The following CLIP1 variants were observed in gnomAD, a reference collection of about 807,000 sequenced individuals.
CLIP1 encodes the protein CAP-Gly domain containing linker protein 1, also known as CAP-Gly domain-containing linker protein 1.
In CLIP1, 66 loss-of-function variants were observed where a neutral mutation model predicts 161.6. The observed-to-expected ratio is 0.41, with a 90% CI of 0.33 to 0.50. The LOEUF (loss-of-function observed/expected upper bound fraction) is 0.50, where lower values mean the gene tolerates loss of function less well. Ranked by LOEUF, CLIP1 falls within the 20% of genes least tolerant of loss-of-function variation. The pLI is 0.27. For synonymous variants in CLIP1, 598 were observed against 626.2 expected (o/e 0.96, Z 0.67); for missense variants, 1,376 against 1,702.0 (o/e 0.81, Z 3.37).
At chr12:122,326,471 G>T (rs1951716452) in intron 17 of CLIP1, among the ~76,000 whole-genome samples, 1 of 152,222 alleles carries the variant, frequency 6.6e-6, no homozygotes, top group East Asian at 1.9e-4. Flanking sequence ...CTTGCATCCA[G>T]GGGTTCGAGA....
intron 19 of CLIP1, among the ~76,000 whole-genome samples, chr12:122,310,827 GA>G (rs1951035269): frequency 6.6e-6 from 1 of 152,174 alleles, no homozygotes; most frequent in South Asian, 2.1e-4. Context: ...GCTGATGCAT[GA>G]ACACATCTAT....
intron 11 of CLIP1, among the ~76,000 whole-genome samples, chr12:122,338,002 G>A (rs1593103501): frequency 6.9e-6 from 1 of 144,350 alleles, no homozygotes; most frequent in Admixed American, 7.0e-5. Flanking sequence ...GCCACAGAGC[G>A]AGACTCTGTC....
intron 20 of CLIP1, among the ~76,000 whole-genome samples, chr12:122,301,396 C>T (rs1048040509): frequency 1.1e-4 from 17 of 152,312 alleles, no homozygotes; most frequent in Admixed American, 3.9e-4. Flanking sequence ...CTGGGTCGGG[C>T]GCGGCGGCTC....
rs757218161 is a variant in CLIP1, at chr12:122,278,118, C to T, written c.3966+36G>A. 2.2e-5 allele frequency: 34 copies of T among 1,578,694 alleles called. 1 individual carries two copies. In the South Asian group the frequency reaches 3.9e-4, roughly 18 times the overall value. On this transcript the variant is annotated intron_variant, in intron 24 of 25. Transcript: ENST00000620786. ...GAAAAGATTCAATGATTTTGAAAAA[C>T]AGCAAGAAAGTAAAGCAATAAGGCA...
chr12:122,358,199 GC>G (rs1252615731), intron 5 of CLIP1, among the ~76,000 whole-genome samples: 1 of 151,232 alleles, frequency 6.6e-6, no homozygotes, highest in Non-Finnish European at 1.5e-5. Context: ...TGGATTAAGG[GC>G]GGTGCAAGAT....
At chr12:122,363,496 A>C (rs967408941) in intron 4 of CLIP1, among the ~76,000 whole-genome samples, 3 of 133,864 alleles carry the variant, frequency 2.2e-5, no homozygotes, top group African/African-American at 5.6e-5. Flanking sequence ...GCCCTGTCTC[A>C]AAAAAAAAAA....
chr12:122,358,634 T>C (rs2136540771), intron 5 of CLIP1, among the ~76,000 whole-genome samples: 1 of 152,024 alleles, frequency 6.6e-6, no homozygotes, highest in Non-Finnish European at 1.5e-5. Flanking sequence ...GTAAATTGGG[T>C]ATATATTTCA....
chr12:122,386,417 G>A (rs1955262816), intron 1 of CLIP1, among the ~76,000 whole-genome samples: 1 of 152,194 alleles, frequency 6.6e-6, no homozygotes, highest in South Asian at 2.1e-4. Context: ...TGACTAATGG[G>A]AAAAGGTTCT....
At chr12:122,382,297 G>T (rs1955040412) in intron 1 of CLIP1, among the ~76,000 whole-genome samples, 1 of 151,882 alleles carries the variant, frequency 6.6e-6, no homozygotes, top group African/African-American at 2.4e-5. Context: ...GGAGGCAGAG[G>T]TTGTAGTGAG....
rs552111237 is a variant in CLIP1 at position 122,327,971 on chromosome 12, C to T, written c.3225G>A (p.Leu1075=). The part of the protein sequence containing the change: ...NSGLLQELEE[L]RKQADKAKAA... ...CTTTGGCTTTGTCGGCTTGCTTTCT[C>T]AGCTCCTCCAGCTCCTGCAGCAAGC... The change falls in exon 17 of 26, where the codon CTG becomes CTA. Residue 1075 remains leucine (L), a synonymous_variant. Coordinates refer to ENST00000620786, the MANE Select transcript of CLIP1 (RefSeq NM_001247997.2). The T allele has an allele frequency of 1.6e-5, 26 of 1,614,054 alleles. No individual in the cohort carries two copies. The South Asian group carries it at 2.5e-4, about 16-fold the overall frequency.
chr12:122,320,717 CTTT>C (rs572671726), intron 17 of CLIP1, among the ~76,000 whole-genome samples: 1 of 138,616 alleles, frequency 7.2e-6, no homozygotes. Flanking sequence ...GAGCGAGACT[CTTT>C]TTTTTTTTTT....
chr12:122,358,387 A>G (rs1485532565), intron 5 of CLIP1, among the ~76,000 whole-genome samples: 1 of 150,936 alleles, frequency 6.6e-6, no homozygotes, highest in Non-Finnish European at 1.5e-5. Flanking sequence ...CTATTGTCCT[A>G]TGACCCTGCC....
chr12:122,370,174 A>AAAGAAG (rs1160083389), intron 3 of CLIP1, among the ~76,000 whole-genome samples: 1 of 151,544 alleles, frequency 6.6e-6, no homozygotes, highest in Non-Finnish European at 1.5e-5. Context: ...AAAAAAAAAA[A>AAAGAAG]AAGAAGAAGA....
At chr12:122,384,744 G>C (rs569618720) in intron 1 of CLIP1, among the ~76,000 whole-genome samples, 8 of 150,284 alleles carry the variant, frequency 5.3e-5, no homozygotes, top group Admixed American at 6.6e-5. Flanking sequence ...CTGGGTGACA[G>C]AGCAAGACTC....
chr12:122,293,318 T>A (rs1243325561), intron 20 of CLIP1, among the ~76,000 whole-genome samples: 1 of 151,970 alleles, frequency 6.6e-6, no homozygotes, highest in Non-Finnish European at 1.5e-5. Flanking sequence ...AAGCCCTCCA[T>A]CCCAGTGGTT....
intron 5 of CLIP1, among the ~76,000 whole-genome samples, chr12:122,357,568 G>T (rs2136521125): frequency 7.7e-6 from 1 of 129,696 alleles, no homozygotes; most frequent in Admixed American, 7.2e-5. Flanking sequence ...GGGGGGGTCA[G>T]CCCCCCCCGC....
intron 1 of CLIP1, among the ~76,000 whole-genome samples, chr12:122,405,319 G>A (rs1444426362): frequency 6.6e-6 from 1 of 152,152 alleles, no homozygotes; most frequent in Admixed American, 6.6e-5. Context: ...TCCAGGAGCC[G>A]TAACTCTAGG....
Position 122,278,188 on chromosome 12 carries a change from T to C in CLIP1, c.3932A>G (p.Gln1311Arg). ...CTGGGCTCTTTCATCCTCGTCTGCC[T>C]GAGTGTCTGTATTACCTTATATTTG... The part of the protein sequence containing the change: ...LSSSSGNTDT[Q>R]ADEDERAQES... The change falls in exon 24 of 26, where the codon CAG becomes CGG. Residue 1311 changes from glutamine to arginine, a missense_variant. Physicochemically the swap from Gln to Arg is conservative, Grantham distance 43 (BLOSUM62 1). Around this residue, in one of 6 missense-constraint regions of CLIP1, gnomAD observed 948 missense variants for 1,134.8 expected, o/e 0.84. Transcript: ENST00000620786. 1 of 1,601,500 alleles carries C rather than the reference T, an allele frequency of 6.2e-7. No individual in the cohort carries two copies. Among genetic ancestry groups the C allele is most frequent in the Non-Finnish European group, 8.5e-7 (1 of 1,178,476 alleles).
chr12:122,316,596 G>A (rs142189185), intron 19 of CLIP1, among the ~76,000 whole-genome samples, 153 bp downstream of exon 19: 402 of 152,216 alleles, frequency 2.6e-3, no homozygotes, highest in African/African-American at 9.4e-3. Flanking sequence ...CTGACCTCAC[G>A]GTGGTTACTG....
Sources: allele counts gnomAD v4.1 joint callset (sites outside exome capture counted in the v4.1 genomes callset), GRCh38; gene constraint gnomAD v4.1.1; regional missense constraint gnomAD v4.1.1; transcripts MANE v1.5; gene names NCBI Gene and HGNC (gene_info 2026-07-23, HGNC 2026-07-21).